The following FSTL4 variants were observed in gnomAD, a reference collection of about 807,000 sequenced individuals.
FSTL4 encodes the protein follistatin like 4.
Under a neutral mutation model 78.2 loss-of-function variants are expected in FSTL4, and 28 were observed. The ratio of observed to expected loss-of-function variants is 0.36; its 90% CI spans 0.27 to 0.49. The LOEUF is 0.49. FSTL4 is among the 20% of genes least tolerant of loss of function. FSTL4 has a pLI of 0.98. For synonymous variants in FSTL4, 422 were observed against 440.5 expected, an observed-to-expected ratio of 0.96 and a Z score of 0.53; for missense variants, 922 against 1,084.9, an observed-to-expected ratio of 0.85 and a Z score of 2.11.
chr5:133,375,478 T>A (rs906835979), intron 4 of FSTL4, among the ~76,000 whole-genome samples: 1 of 151,816 alleles, frequency 6.6e-6, no homozygotes, highest in Non-Finnish European at 1.5e-5. Flanking sequence ...GCAACAGCAG[T>A]TACTTTTAAA....
chr5:133,799,236 C>G, the FSTL4 span, among the ~76,000 whole-genome samples: 1 of 137,588 alleles, frequency 7.3e-6, no homozygotes, highest in Non-Finnish European at 1.6e-5. Flanking sequence ...CCGTGGGCAC[C>G]AGGCCCAGAG....
chr5:133,704,614 T>C, the FSTL4 span, among the ~76,000 whole-genome samples: 1 of 152,222 alleles, frequency 6.6e-6, no homozygotes, highest in Non-Finnish European at 1.5e-5. Flanking sequence ...GCCAGGGGCA[T>C]GTCTTGATTC....
chr5:133,298,395 C>A (rs1753457354), intron 6 of FSTL4, among the ~76,000 whole-genome samples: 1 of 152,224 alleles, frequency 6.6e-6, no homozygotes. Flanking sequence ...CGTGGGTGGG[C>A]TTCCCCACTG....
rs25734 is a variant in FSTL4, at chr5:133,399,421, C to A, written c.409+1317G>T. On this transcript the variant is annotated intron_variant, in intron 4 of 15. Transcript: ENST00000265342. ...AGTGTCCAAGACTATTGTCATCACC[C>A]GGTAAAGGCACATTTCCCAAGCCCT... Among the ~76,000 whole-genome samples the A allele has an allele frequency of 5.3e-5, 8 of 152,066 alleles. No homozygotes were observed. In the East Asian group the frequency reaches 7.7e-4, roughly 15 times the overall value.
chr5:133,211,548 T>A (rs1176612749), intron 13 of FSTL4, among the ~76,000 whole-genome samples: 4 of 152,194 alleles, frequency 2.6e-5, no homozygotes, highest in Non-Finnish European at 5.9e-5. Flanking sequence ...AACTGCATCA[T>A]CTCTGCCTCC....
chr5:133,391,707 A>T (rs1755854701), intron 4 of FSTL4, among the ~76,000 whole-genome samples: 1 of 151,914 alleles, frequency 6.6e-6, no homozygotes. Context: ...CTACCTTAGG[A>T]TCTTTGCAAA....
At chr5:133,309,594 A>G (rs1421765517) in intron 6 of FSTL4, among the ~76,000 whole-genome samples, 1 of 152,042 alleles carries the variant, frequency 6.6e-6, no homozygotes, top group African/African-American at 2.4e-5. Context: ...TCCTAGCATC[A>G]CCCTCCACCA....
chr5:133,742,947 A>G, the FSTL4 span, among the ~76,000 whole-genome samples: 9,595 of 152,232 alleles, frequency 0.063, 431 homozygotes, highest in East Asian at 0.19. Flanking sequence ...CCGGAAAGTC[A>G]TCCCCGGGTG....
intron 3 of FSTL4, among the ~76,000 whole-genome samples, chr5:133,449,615 C>A (rs1580716000): frequency 1.3e-5 from 2 of 152,090 alleles, no homozygotes; most frequent in East Asian, 3.9e-4. Context: ...ACAGGGAGAG[C>A]CTTCCTCAAG....
At chr5:133,775,665 T>A in the FSTL4 span, among the ~76,000 whole-genome samples, 1 of 152,238 alleles carries the variant, frequency 6.6e-6, no homozygotes, top group Non-Finnish European at 1.5e-5. Flanking sequence ...GAGTAGATTG[T>A]ACAACAGGTG....
At chr5:133,652,334 A>T in the FSTL4 span, among the ~76,000 whole-genome samples, 1 of 151,976 alleles carries the variant, frequency 6.6e-6, no homozygotes, top group Non-Finnish European at 1.5e-5. Flanking sequence ...CCCAAGGTGG[A>T]AATTTAGCTG....
chr5:133,307,356 G>A (rs556090719), intron 6 of FSTL4, among the ~76,000 whole-genome samples: 5 of 152,304 alleles, frequency 3.3e-5, no homozygotes, highest in South Asian at 4.1e-4. Flanking sequence ...TCTCTTCAAC[G>A]GAGAATGCAG....
chr5:133,310,237 G>A (rs1340520303), intron 6 of FSTL4, among the ~76,000 whole-genome samples: 3 of 152,194 alleles, frequency 2.0e-5, no homozygotes, highest in African/African-American at 7.2e-5. Flanking sequence ...GGGCTGGGCT[G>A]TGATGAATGG....
intron 3 of FSTL4, among the ~76,000 whole-genome samples, chr5:133,428,876 G>C (rs1392741598): frequency 6.6e-6 from 1 of 152,196 alleles, no homozygotes; most frequent in Non-Finnish European, 1.5e-5. Context: ...ACGACACACA[G>C]AGGCACCATT....
intron 3 of FSTL4, among the ~76,000 whole-genome samples, chr5:133,547,453 G>A (rs142981749): frequency 6.6e-6 from 1 of 152,318 alleles, no homozygotes; most frequent in African/African-American, 2.4e-5. Flanking sequence ...TGGGGGGCAG[G>A]TGTGAAATGC....
the FSTL4 span, among the ~76,000 whole-genome samples, chr5:133,661,604 C>T: frequency 1.3e-5 from 2 of 152,184 alleles, no homozygotes; most frequent in East Asian, 3.8e-4. Context: ...GATGATGTCA[C>T]TATTTTCTCC....
the FSTL4 span, among the ~76,000 whole-genome samples, chr5:133,722,183 CAG>C: frequency 6.6e-6 from 1 of 152,090 alleles, no homozygotes; most frequent in Non-Finnish European, 1.5e-5. Flanking sequence ...CACCTCCTGT[CAG>C]ATCAGCAGGG....
the FSTL4 span, among the ~76,000 whole-genome samples, chr5:133,755,651 G>GCAT: frequency 1.7e-3 from 262 of 152,280 alleles, no homozygotes; most frequent in African/African-American, 5.9e-3. Context: ...TCCAGCCCCA[G>GCAT]CATCACTACC....
chr5:133,646,515 G>A, the FSTL4 span, among the ~76,000 whole-genome samples: 10 of 152,124 alleles, frequency 6.6e-5, no homozygotes, highest in Non-Finnish European at 1.3e-4. Context: ...ACATCAACCC[G>A]TCTGGTTACT....
Sources: gnomAD v4.1 joint callset for allele counts (sites outside exome capture counted in the v4.1 genomes callset) on GRCh38, gnomAD v4.1.1 for gene constraint, MANE v1.5 for transcripts, NCBI Gene and HGNC (gene_info 2026-07-23, HGNC 2026-07-21) for gene names.